The following KPNA2 variants were observed in gnomAD, a reference collection of about 807,000 sequenced individuals.
KPNA2 encodes karyopherin subunit alpha 2.
In KPNA2, 20 loss-of-function variants were observed where a neutral mutation model predicts 53.7. The ratio of observed to expected loss-of-function variants is 0.37; its 90% CI spans 0.26 to 0.54. The LOEUF (loss-of-function observed/expected upper bound fraction) is 0.54. Ranked by LOEUF, KPNA2 falls within the 20% of genes least tolerant of loss-of-function variation. The probability of loss-of-function intolerance (pLI) is 0.83; values close to 1 mark genes in which losing one functional copy is unlikely to be tolerated. For missense variants in KPNA2, 515 were observed against 640.3 expected, an observed-to-expected ratio of 0.80 and a Z score of 2.11; for synonymous variants, 238 against 227.5, an observed-to-expected ratio of 1.05 and a Z score of -0.42.
intron 8 of KPNA2, 75 bp downstream of exon 8, chr17:68,044,146 T>A (rs2071300579): frequency 5.1e-6 from 7 of 1,382,726 alleles, no homozygotes; most frequent in South Asian, 4.8e-5. Flanking sequence ...CTTCTTCACG[T>A]GCAAGAATCT....
chr17:68,036,699 C>A, intron 1 of KPNA2: 1 of 182,728 alleles, frequency 5.5e-6, no homozygotes, highest in East Asian at 1.8e-4. Context: ...CAAAAGATTT[C>A]AAAGATGGAG....
At chr17:68,037,336 C>A in intron 2 of KPNA2, 22 bp from the exon 3 acceptor site, 1 of 1,605,864 alleles carries the variant, frequency 6.2e-7, no homozygotes, top group Non-Finnish European at 8.5e-7. Context: ...ATAGGTGAAA[C>A]GGCATGTTAT....
Position 68,045,908 on chromosome 17 carries a change from A to AT in KPNA2, c.1487dup (p.Ser497LeufsTer17). On this transcript the variant is annotated frameshift_variant, in exon 10 of 11. Coordinates refer to ENST00000330459, the MANE Select transcript of KPNA2 (RefSeq NM_002266.4). LOFTEE classifies it high-confidence loss of function. ...GCTTCGTTAAGCTTAATTGAGAAGT[A>AT]TTTCTCTGTAGAGGTGAGTAATGGA... 1 of 1,589,702 alleles carries AT rather than the reference A, an allele frequency of 6.3e-7. No homozygotes were observed. The highest frequency in any genetic ancestry group is 8.6e-7 in the Non-Finnish European group (1 of 1,167,858).
chr17:68,042,091 A>T lies in KPNA2; in HGVS notation c.309A>T (p.Leu103=), dbSNP rs140228602. 4.3e-6 allele frequency: 7 copies of T among 1,612,482 alleles called. No individual in the cohort carries two copies. Among genetic ancestry groups the T allele is most frequent in the Non-Finnish European group, 5.1e-6 (6 of 1,178,652 alleles). The part of the protein sequence containing the change: ...QLQATQAARK[L]LSREKQPPID... Reference sequence around the variant, plus strand: ...TCTTTTTGTTCCCCTTTAGGAAACTACTTTCCAGAGAAAAACAGCCCCCCA... The same window carrying T: ...TCTTTTTGTTCCCCTTTAGGAAACTTCTTTCCAGAGAAAAACAGCCCCCCA... The change falls in exon 5 of 11, where the codon CTA becomes CTT. Residue 103 remains leucine (L), a synonymous_variant. Transcript: ENST00000330459.
chr17:68,046,646 T>G lies in KPNA2; in HGVS notation c.*50T>G. The G allele has an allele frequency of 7.9e-6, 9 of 1,132,582 alleles. No homozygotes were observed. The highest frequency in any genetic ancestry group is 2.3e-5 in the East Asian group (1 of 42,572). The allele number at this position is 1,132,582 out of a possible 1,614,324, so 70.2% of individuals were successfully genotyped here. Reference sequence around the variant, plus strand: ...GTTGTGTACTACGTTTGGTATTTTGTCTTATTGTTTCTCTACTAAGAACTC... The same window carrying G: ...GTTGTGTACTACGTTTGGTATTTTGGCTTATTGTTTCTCTACTAAGAACTC... On this transcript the variant is annotated 3_prime_UTR_variant, in exon 11 of 11. Coordinates refer to ENST00000330459, the MANE Select transcript of KPNA2 (RefSeq NM_002266.4).
chr17:68,036,994 C>T (rs2071197451), intron 1 of KPNA2, 116 bp from the exon 2 acceptor site: 2 of 737,690 alleles, frequency 2.7e-6, no homozygotes, highest in East Asian at 2.6e-5. Context: ...GATGATCCCC[C>T]CTCTAGTATA....
At chr17:68,040,848 A>G in intron 4 of KPNA2, 82 bp downstream of exon 4, 1 of 829,704 alleles carries the variant, frequency 1.2e-6, no homozygotes, top group Non-Finnish European at 2.1e-6. Flanking sequence ...GCAGGAAGGG[A>G]CAGACAGATA....
chr17:68,040,881 C>A, intron 4 of KPNA2, 115 bp downstream of exon 4: 1 of 666,292 alleles, frequency 1.5e-6, no homozygotes, highest in South Asian at 1.7e-5. Context: ...ATTAGGCCAG[C>A]CAGCCATAAG....
intron 9 of KPNA2, 99 bp downstream of exon 9, chr17:68,044,602 T>G: frequency 1.1e-6 from 1 of 893,302 alleles, no homozygotes; most frequent in South Asian, 1.6e-5. Context: ...TACTCACTAG[T>G]AAGCCACAGA....
intron 4 of KPNA2, among the ~76,000 whole-genome samples, chr17:68,041,724 A>G (rs1378279824): frequency 1.3e-5 from 2 of 152,146 alleles, no homozygotes; most frequent in Admixed American, 6.6e-5. Context: ...TCCTATTTCA[A>G]AAAAACAAAA....
chr17:68,042,739 G>T (rs1446647245), intron 5 of KPNA2, among the ~76,000 whole-genome samples, 166 bp from the exon 6 acceptor site: 1 of 151,888 alleles, frequency 6.6e-6, no homozygotes, highest in Non-Finnish European at 1.5e-5. Flanking sequence ...AAAATTAGCC[G>T]GGCGTGGCGG....
chr17:68,043,687 A>G (rs1270007944), intron 7 of KPNA2, 151 bp from the exon 8 acceptor site: 2 of 408,494 alleles, frequency 4.9e-6, no homozygotes, highest in Non-Finnish European at 9.0e-6. Flanking sequence ...GTCTCTCAAA[A>G]AAAAAAAAAA....
At position 68,043,191 on chromosome 17, in the gene KPNA2, T is replaced by A; in HGVS notation, c.758T>A (p.Leu253His). ...CCGATAGATGCTGTTGAGCAGATTCTTCCTACCTTAGTTCGGCTCCTGCAT... is the reference window on the plus strand; with the variant it reads ...CCGATAGATGCTGTTGAGCAGATTCATCCTACCTTAGTTCGGCTCCTGCAT... ...APPIDAVEQI[L>H]PTLVRLLHHD... Residue 253 changes from leucine to histidine, a missense_variant, in exon 7 of 11, where the codon CTT becomes CAT. Transcript: ENST00000330459. 3 of 1,614,200 alleles carry A rather than the reference T, an allele frequency of 1.9e-6. No individual in the cohort carries two copies. The highest frequency in any genetic ancestry group is 2.5e-6 in the Non-Finnish European group (3 of 1,180,030).
Position 68,036,606 on chromosome 17 carries a change from T to C in KPNA2, c.-23-504T>C, listed in dbSNP as rs1555703780. 2 of 155,250 alleles carry C rather than the reference T, an allele frequency of 1.3e-5. 1 individual carries two copies. The highest frequency in any genetic ancestry group is 2.8e-5 in the Non-Finnish European group (2 of 70,326). 9.6% of individuals were successfully genotyped at this position (155,250 alleles called of 1,614,324 possible). ...TTGTCTTGAATTAACTATTAGGGAC[T>C]CTGGAGTATCGAACTAGGCTGTCAG... On this transcript the variant is annotated intron_variant, in intron 1 of 10. Coordinates refer to ENST00000330459, the MANE Select transcript of KPNA2 (RefSeq NM_002266.4).
chr17:68,038,028 G>C (rs562346644), intron 3 of KPNA2, among the ~76,000 whole-genome samples: 141 of 152,210 alleles, frequency 9.3e-4, no homozygotes, highest in African/African-American at 3.4e-3. Context: ...CCAGGCTAGC[G>C]TGCAGTGGTG....
intron 2 of KPNA2, 44 bp from the exon 3 acceptor site, chr17:68,037,314 A>C: frequency 6.3e-7 from 1 of 1,595,046 alleles, no homozygotes; most frequent in Non-Finnish European, 8.5e-7. Context: ...CTTAGCAACA[A>C]AAACTGGTGT....
intron 3 of KPNA2, among the ~76,000 whole-genome samples, chr17:68,038,735 C>T (rs1555704109): frequency 6.6e-6 from 1 of 152,108 alleles, no homozygotes; most frequent in African/African-American, 2.4e-5. Flanking sequence ...ATCCATACTC[C>T]AGCTGGGCAT....
Position 68,044,384 on chromosome 17 carries a change from G to A in KPNA2, c.1228G>A (p.Val410Ile). ...GACCAACTATACCAGTGGTGGAACA[G>A]TTGAACAGATTGTGTACCTTGTTCA... The part of the protein sequence containing the change: ...AVTNYTSGGT[V>I]EQIVYLVHCG... The change falls in exon 9 of 11, where the codon GTT becomes ATT. Residue 410 changes from valine to isoleucine, a missense_variant. Transcript: ENST00000330459. The A allele has an allele frequency of 6.2e-7, 1 of 1,614,112 alleles. No homozygotes were observed. Among genetic ancestry groups the A allele is most frequent in the Non-Finnish European group, 8.5e-7 (1 of 1,179,922 alleles).
chr17:68,042,267 G>T lies in KPNA2; in HGVS notation c.485G>T (p.Gly162Val), dbSNP rs782572715. The T allele has an allele frequency of 1.9e-6, 3 of 1,614,064 alleles. No individual in the cohort carries two copies. The highest frequency in any genetic ancestry group is 2.5e-6 in the Non-Finnish European group (3 of 1,179,972). ...SEQTKAVVDGGAIPAFISLLA... is the reference protein window; with the variant it reads ...SEQTKAVVDGVAIPAFISLLA... ...CAAACCAAGGCTGTGGTAGATGGAG[G>T]TGCCATCCCAGCATTCATTTCTCTG... Residue 162 changes from glycine (G) to valine (V), a missense_variant, in exon 5 of 11, where the codon GGT becomes GTT. Physicochemically the swap from Gly to Val is moderately radical, Grantham distance 109 (BLOSUM62 -3). Transcript: ENST00000330459.
Sources: gnomAD v4.1 joint callset for allele counts (sites outside exome capture counted in the v4.1 genomes callset) on GRCh38, gnomAD v4.1.1 for gene constraint, MANE v1.5 for transcripts, NCBI Gene and HGNC (gene_info 2026-07-23, HGNC 2026-07-21) for gene names.